The following ENO4 variants were observed in gnomAD, a reference collection of about 807,000 sequenced individuals.
The protein encoded by ENO4 is enolase 4.
ENO4 carries 53 observed loss-of-function variants against 63.2 expected under a neutral mutation model. The ratio of observed to expected loss-of-function variants is 0.84; its 90% confidence interval spans 0.67 to 1.05. ENO4 has a LOEUF of 1.05. Among genes scored for constraint, ENO4 ranks in the 50% least tolerant of loss-of-function variants. The pLI, the probability that ENO4 is intolerant of heterozygous loss-of-function variation, is 0.00. For synonymous variants in ENO4, 266 were observed against 283.8 expected (o/e 0.94, Z 0.63); for missense variants, 719 against 772.0 (o/e 0.93, Z 0.81).
In ENO4 at chr10:116,892,190, C is replaced by A. The variant is rs535797855; in HGVS notation, c.1194+12204C>A. Among the ~76,000 whole-genome samples, 5 of 152,258 alleles carry A rather than the reference C, an allele frequency of 3.3e-5. No homozygotes were observed. The South Asian group carries it at 1.0e-3, about 32-fold the overall frequency. On this transcript the variant is annotated intron_variant, in intron 10 of 10. Coordinates refer to the ENO4 transcript ENST00000369207. ...TTACCTCCCGGACCACAATGCAATGCTAGGGAGCCTTGTAGCTTGTACCTT... is the reference window on the plus strand; with the variant it reads ...TTACCTCCCGGACCACAATGCAATGATAGGGAGCCTTGTAGCTTGTACCTT...
At chr10:116,885,084 A>AC, downstream of ENO4, 1 of 152,760 alleles carries the variant, frequency 6.5e-6, no homozygotes, top group Middle Eastern at 3.4e-3. Context: ...GTACCTGCCT[A>AC]CCCACCTCTT....
intron 10 of ENO4, chr10:116,911,416 C>T: frequency 6.6e-7 from 1 of 1,519,342 alleles, no homozygotes; most frequent in African/African-American, 1.4e-5. Context: ...TAGGATTCTC[C>T]TTTTAGGCTT....
At chr10:116,879,181 C>CAA (rs1846926408) in intron 11 of ENO4, 110 bp from the exon 12 acceptor site, 2 of 692,874 alleles carry the variant, frequency 2.9e-6, no homozygotes, top group African/African-American at 3.6e-5. Context: ...AAATAATTGA[C>CAA]TCTTCACAGG....
intron 10 of ENO4, among the ~76,000 whole-genome samples, chr10:116,897,267 A>C (rs1004807574): frequency 3.3e-5 from 5 of 152,210 alleles, no homozygotes; most frequent in African/African-American, 9.7e-5. Context: ...GTATTTTAAA[A>C]ATTAATTATT....
chr10:116,865,960 A>G (rs765149086), intron 7 of ENO4, among the ~76,000 whole-genome samples: 1 of 152,190 alleles, frequency 6.6e-6, no homozygotes, highest in Admixed American at 6.5e-5. Context: ...TTCAATCTGC[A>G]TAACTGTATA....
At chr10:116,899,546 TGAGA>T (rs59129110) in intron 10 of ENO4, among the ~76,000 whole-genome samples, 50,376 of 123,554 alleles carry the variant, frequency 0.41, 10,351 homozygotes, top group Middle Eastern at 0.54. Flanking sequence ...TGTGTGTGTG[TGAGA>T]GAGTGCATGC....
intron 7 of ENO4, among the ~76,000 whole-genome samples, chr10:116,865,251 G>A (rs542427451): frequency 2.6e-5 from 4 of 152,074 alleles, no homozygotes; most frequent in East Asian, 3.9e-4. Context: ...ACAGTGGCAC[G>A]ATTTCGGCTC....
rs772292260 is a variant in ENO4, at chr10:116,868,666, CAG to C, written c.1011_1012del (p.Glu337AspfsTer28). The C allele has an allele frequency of 7.7e-5, 119 of 1,550,344 alleles. No homozygotes were observed. The South Asian group carries it at 1.3e-3, about 17-fold the overall frequency. On this transcript the variant is annotated frameshift_variant, in exon 8 of 14. Transcript: ENST00000341276. LOFTEE classifies it high-confidence loss of function. Reference sequence around the variant, plus strand: ...GCCCCACAGCCCTCTCCTCCAAAAGCAGAGACAAAAAAAGGGCACGATGGAAG... The same window carrying C: ...GCCCCACAGCCCTCTCCTCCAAAAGCAGACAAAAAAAGGGCACGATGGAAG...
At chr10:116,901,878 G>A (rs1449885248) in intron 10 of ENO4, 1 of 1,608,140 alleles carries the variant, frequency 6.2e-7, no homozygotes, top group South Asian at 1.1e-5. Context: ...TCTTGTTCAA[G>A]GCTGTTTTTG....
intron 10 of ENO4, among the ~76,000 whole-genome samples, chr10:116,891,960 T>G (rs1847354515): frequency 6.6e-6 from 1 of 152,176 alleles, no homozygotes; most frequent in Admixed American, 6.6e-5. Context: ...GTGGAAAAAG[T>G]AGATTTAATT....
At chr10:116,908,730 G>C (rs1848072433) in intron 10 of ENO4, among the ~76,000 whole-genome samples, 1 of 152,140 alleles carries the variant, frequency 6.6e-6, no homozygotes, top group Non-Finnish European at 1.5e-5. Flanking sequence ...TTTTATTGAT[G>C]AATGTATCTT....
chr10:116,853,750 A>C (rs1306435230), intron 1 of ENO4, among the ~76,000 whole-genome samples: 5 of 152,138 alleles, frequency 3.3e-5, no homozygotes, highest in Admixed American at 3.3e-4. Context: ...CATACAAACC[A>C]CCATTTAAAG....
intron 1 of ENO4, 35 bp from the exon 2 acceptor site, chr10:116,855,588 A>C: frequency 6.5e-7 from 1 of 1,535,798 alleles, no homozygotes; most frequent in Non-Finnish European, 8.7e-7. Context: ...AACAACTTGA[A>C]CCAGATGATT....
chr10:116,850,048 G>A, intron 1 of ENO4: 1 of 518,428 alleles, frequency 1.9e-6, no homozygotes, highest in South Asian at 2.0e-5. Context: ...TTTGTGGGCC[G>A]GCCCACCGCC....
At chr10:116,874,281 A>G in intron 10 of ENO4, 80 bp downstream of exon 10, 2 of 1,095,214 alleles carry the variant, frequency 1.8e-6, no homozygotes, top group African/African-American at 1.6e-5. Context: ...ATATTTTATA[A>G]CTCACCTTTT....
At chr10:116,863,740 C>T (rs891591914) in intron 7 of ENO4, among the ~76,000 whole-genome samples, 5 of 152,180 alleles carry the variant, frequency 3.3e-5, no homozygotes, top group African/African-American at 1.2e-4. Context: ...GCAGGGGGCA[C>T]GGGCCCCTCC....
chr10:116,879,786 GTTTCC>G, intron 12 of ENO4, 78 bp from the exon 13 acceptor site: 2 of 1,076,698 alleles, frequency 1.9e-6, no homozygotes, highest in Non-Finnish European at 2.7e-6. Flanking sequence ...CACTGTGACA[GTTTCC>G]TTTGTCTTTA....
intron 10 of ENO4, among the ~76,000 whole-genome samples, chr10:116,894,970 T>C (rs1193713776): frequency 6.6e-6 from 1 of 152,196 alleles, no homozygotes; most frequent in Non-Finnish European, 1.5e-5. Flanking sequence ...TGCCTCTCTT[T>C]ATAATAAAAA....
rs914593863 is a variant in ENO4 at position 116,859,136 on chromosome 10, C to G, written c.632C>G (p.Pro211Arg). 1.2e-5 allele frequency: 18 copies of G among 1,529,308 alleles called. No homozygotes were observed. The African/African-American group carries it at 2.1e-4, about 18-fold the overall frequency. 94.7% of individuals were successfully genotyped at this position (1,529,308 alleles called of 1,614,324 possible). A position where few individuals can be genotyped will look rare whatever the true frequency, so the allele number is the denominator to read the frequency against. Reference sequence around the variant, plus strand: ...CCTACCAAAAAAAAGGGGCAAAAGCCAGGTTGGTTGGTGACTTATCTTGCA... The same window carrying G: ...CCTACCAAAAAAAAGGGGCAAAAGCGAGGTTGGTTGGTGACTTATCTTGCA... ...PPPTKKKGQK[P>R]GRKDTITEKP... The change falls in exon 4 of 14, where the codon CCA (proline) becomes CGA (arginine). Residue 211 changes from proline (P) to arginine (R), a missense_variant and splice_region_variant. Physicochemically the swap from Pro to Arg is moderately radical, Grantham distance 103. Transcript: ENST00000341276.
Sources: allele counts gnomAD v4.1 joint callset (sites outside exome capture counted in the v4.1 genomes callset), GRCh38; gene constraint gnomAD v4.1.1; transcripts MANE v1.5; gene names NCBI Gene and HGNC (gene_info 2026-07-23, HGNC 2026-07-21).